SLC14A2: variants seen among roughly 807,000 people sequenced by gnomAD.
The protein encoded by SLC14A2 is urea transporter 2.
A neutral mutation model predicts 104.6 loss-of-function variants in SLC14A2; 91 were observed. That is an observed-to-expected ratio of 0.87 (90% confidence interval 0.73 to 1.04). SLC14A2 has a LOEUF of 1.04. Among genes scored for constraint, SLC14A2 ranks in the 50% least tolerant of loss-of-function variants. The probability of loss-of-function intolerance (pLI) is 0.00; values close to 1 mark genes in which losing one functional copy is unlikely to be tolerated. For missense variants in SLC14A2, 1,189 were observed against 1,156.0 expected (o/e 1.03, Z -0.41); for synonymous variants, 476 against 466.4 (o/e 1.02, Z -0.27).
the SLC14A2 span, among the ~76,000 whole-genome samples, chr18:45,173,200 G>A: frequency 6.6e-6 from 1 of 152,126 alleles, no homozygotes; most frequent in African/African-American, 2.4e-5. Context: ...GTGGGAGATG[G>A]AGCTGGAAGA....
At chr18:45,416,691 A>T (rs1335040321) in intron 1 of SLC14A2, among the ~76,000 whole-genome samples, 1 of 152,206 alleles carries the variant, frequency 6.6e-6, no homozygotes, top group Non-Finnish European at 1.5e-5. Flanking sequence ...AGAACTCATT[A>T]ACATGATATA....
chr18:45,238,942 A>T (rs1227179058), intron 1 of SLC14A2, among the ~76,000 whole-genome samples: 1 of 152,248 alleles, frequency 6.6e-6, no homozygotes, highest in East Asian at 1.9e-4. Context: ...ACAAAGAAGC[A>T]TTAACTACAC....
intron 10 of SLC14A2, among the ~76,000 whole-genome samples, chr18:45,648,159 T>A (rs1599117194): frequency 6.6e-6 from 1 of 150,986 alleles, no homozygotes; most frequent in African/African-American, 2.4e-5. Context: ...AAATTTTGCC[T>A]ATTATTATAA....
At chr18:45,338,798 T>C (rs1319354529) in intron 1 of SLC14A2, among the ~76,000 whole-genome samples, 1 of 151,480 alleles carries the variant, frequency 6.6e-6, no homozygotes, top group Non-Finnish European at 1.5e-5. Context: ...AAACGTGCAC[T>C]GAAGCAGATG....
the SLC14A2 span, among the ~76,000 whole-genome samples, chr18:45,194,623 A>G: frequency 2.8e-4 from 40 of 145,090 alleles, no homozygotes; most frequent in African/African-American, 1.0e-3. Flanking sequence ...TTGCATCTCT[A>G]TGAGGGATAT....
chr18:45,400,354 T>C (rs1033125994), intron 1 of SLC14A2, among the ~76,000 whole-genome samples: 14 of 152,336 alleles, frequency 9.2e-5, no homozygotes, highest in African/African-American at 3.4e-4. Flanking sequence ...TCAACTTGGG[T>C]TGACCCAACC....
chr18:45,374,332 A>G (rs1178863629), intron 1 of SLC14A2, among the ~76,000 whole-genome samples: 3 of 152,254 alleles, frequency 2.0e-5, no homozygotes, highest in African/African-American at 7.2e-5. Context: ...CTATGCAAAT[A>G]TAACATTTGG....
intron 1 of SLC14A2, among the ~76,000 whole-genome samples, chr18:45,336,375 T>C (rs918681997): frequency 6.6e-5 from 10 of 151,902 alleles, no homozygotes; most frequent in African/African-American, 2.4e-4. Flanking sequence ...GGAACCCTAA[T>C]TAACATCAGC....
intron 1 of SLC14A2, among the ~76,000 whole-genome samples, chr18:45,434,011 C>G (rs16978365): frequency 6.6e-6 from 1 of 152,060 alleles, no homozygotes; most frequent in Admixed American, 6.6e-5. Flanking sequence ...GCAGATAGTC[C>G]TTTACACCTA....
intron 1 of SLC14A2, among the ~76,000 whole-genome samples, chr18:45,419,507 CT>C (rs2086316589): frequency 6.6e-6 from 1 of 152,218 alleles, no homozygotes; most frequent in Non-Finnish European, 1.5e-5. Context: ...GGCGTGGTGG[CT>C]CATGCCTATA....
intron 2 of SLC14A2, among the ~76,000 whole-genome samples, chr18:45,546,498 T>C (rs1289070607): frequency 1.3e-5 from 2 of 152,204 alleles, no homozygotes; most frequent in African/African-American, 4.8e-5. Context: ...CCTCTGTTTC[T>C]AACACAGACC....
chr18:45,608,158 G>C (rs968294469), intron 2 of SLC14A2, among the ~76,000 whole-genome samples: 8 of 152,218 alleles, frequency 5.3e-5, no homozygotes, highest in African/African-American at 1.9e-4. Context: ...GCTTTTGAAT[G>C]AACACTATCT....
intron 1 of SLC14A2, among the ~76,000 whole-genome samples, chr18:45,454,816 A>G (rs2086915242): frequency 6.6e-6 from 1 of 152,018 alleles, no homozygotes; most frequent in African/African-American, 2.4e-5. Flanking sequence ...GTGGTTATAG[A>G]TGTGTGGCGT....
chr18:45,414,739 G>A lies in SLC14A2; in HGVS notation c.-124-68494G>A, dbSNP rs1161230631. 4.4e-3 allele frequency among the ~76,000 whole-genome samples: 328 copies of A among 75,044 alleles called. 2 individuals carry two copies. The highest frequency in any genetic ancestry group is 6.5e-3 in the Non-Finnish European group (265 of 40,726). 49.2% of individuals were successfully genotyped at this position (75,044 alleles called of 152,430 possible). A position where few individuals can be genotyped will look rare whatever the true frequency, so the allele number is the denominator to read the frequency against. The stretch of plus-strand genomic sequence containing the variant: ...CATGCCAGGTGCGGTGCAAGGCACC[G>A]AGCGTAAAAAAAAAAAAAATATATA... On this transcript the variant is annotated intron_variant, in intron 1 of 20. Coordinates refer to the SLC14A2 transcript ENST00000586448.
chr18:45,371,545 T>A (rs961218400), intron 1 of SLC14A2, among the ~76,000 whole-genome samples: 20 of 152,220 alleles, frequency 1.3e-4, no homozygotes, highest in African/African-American at 4.6e-4. Flanking sequence ...GAGACTTAGC[T>A]AGTTAAGTCT....
Position 45,626,947 on chromosome 18 carries a change from G to A in SLC14A2, c.332-11G>A, listed in dbSNP as rs1332861423. On this transcript the variant is annotated splice_polypyrimidine_tract_variant and intron_variant, in intron 3 of 19. Transcript: ENST00000255226. The stretch of plus-strand genomic sequence containing the variant: ...TGGACCTGCTGATGGCTCGCTCTCT[G>A]TCTCTTTCAGACAAGCACCTTGCCC... 1.2e-6 allele frequency: 2 copies of A among 1,605,114 alleles called. No individual in the cohort carries two copies. Among genetic ancestry groups the A allele is most frequent in the African/African-American group, 1.3e-5 (1 of 74,710 alleles).
intron 10 of SLC14A2, among the ~76,000 whole-genome samples, chr18:45,655,799 A>G (rs1215766527): frequency 1.3e-5 from 2 of 151,964 alleles, no homozygotes; most frequent in East Asian, 3.9e-4. Flanking sequence ...AATTTTTGTA[A>G]CTCCTTTTGA....
the SLC14A2 span, among the ~76,000 whole-genome samples, chr18:45,186,162 G>A: frequency 6.0e-3 from 906 of 152,156 alleles, 6 homozygotes; most frequent in Admixed American, 0.015. Flanking sequence ...ACCTACAACC[G>A]AAAACAACTT....
the SLC14A2 span, among the ~76,000 whole-genome samples, chr18:45,205,108 C>T: frequency 1.3e-5 from 2 of 152,180 alleles, no homozygotes; most frequent in Non-Finnish European, 2.9e-5. Context: ...GACATAGGGA[C>T]CTCTCTGTGT....
Sources: allele counts gnomAD v4.1 joint callset (sites outside exome capture counted in the v4.1 genomes callset), GRCh38; gene constraint gnomAD v4.1.1; transcripts MANE v1.5; gene names NCBI Gene and HGNC (gene_info 2026-07-23, HGNC 2026-07-21).